SYK: variants seen among roughly 807,000 people sequenced by gnomAD.
The protein encoded by SYK is spleen associated tyrosine kinase.
In SYK, 16 loss-of-function variants were observed where a neutral mutation model predicts 77.8. That is an observed-to-expected ratio of 0.21 (90% CI 0.14 to 0.31). The LOEUF is 0.31. Among genes scored for constraint, SYK ranks in the 10% least tolerant of loss-of-function variants. The pLI, the probability that SYK is intolerant of heterozygous loss-of-function variation, is 1.00. For missense variants in SYK, 529 were observed against 814.4 expected (o/e 0.65, Z 4.26); for synonymous variants, 312 against 308.7 (o/e 1.01, Z -0.11).
At chr9:90,855,664 A>ATGTG (rs757914338) in intron 3 of SYK, among the ~76,000 whole-genome samples, 103 of 124,498 alleles carry the variant, frequency 8.3e-4, no homozygotes, top group Admixed American at 1.8e-3. Context: ...TATTGAGTGA[A>ATGTG]TATGTGTGTG....
intron 1 of SYK, among the ~76,000 whole-genome samples, chr9:90,830,984 A>G (rs1456951627): frequency 1.3e-5 from 2 of 152,188 alleles, no homozygotes; most frequent in African/African-American, 2.4e-5. Context: ...TCCTAGGCAC[A>G]TCTTAACAGG....
intron 11 of SYK, among the ~76,000 whole-genome samples, chr9:90,884,312 TATACAC>T (rs1379966717): frequency 1.3e-3 from 93 of 72,546 alleles, no homozygotes; most frequent in Middle Eastern, 0.011. Flanking sequence ...TATACACACA[TATACAC>T]ATACACATAC....
At chr9:90,844,798 C>CATAA (rs1483826411) in intron 2 of SYK, among the ~76,000 whole-genome samples, 2 of 152,236 alleles carry the variant, frequency 1.3e-5, no homozygotes, top group Middle Eastern at 6.3e-3. Context: ...TATTGATGGA[C>CATAA]ACATTTGCTG....
At chr9:90,826,896 G>A (rs559607672) in intron 1 of SYK, among the ~76,000 whole-genome samples, 329 of 152,242 alleles carry the variant, frequency 2.2e-3, no homozygotes, top group African/African-American at 7.4e-3. Flanking sequence ...CAGGGACAGA[G>A]AGAGCTGGCA....
chr9:90,888,580 G>A lies in SYK; in HGVS notation c.1788G>A (p.Gly596=). 1 of 1,611,872 alleles carries A rather than the reference G, an allele frequency of 6.2e-7. No homozygotes were observed. Among genetic ancestry groups the A allele is most frequent in the Middle Eastern group, 1.7e-4 (1 of 6,056 alleles). ...GAGAGCGGATGGGGTGCCCTGCAGG[G>A]TGTCCAAGAGAGATGTACGATCTCA... The part of the protein sequence containing the change: ...EKGERMGCPA[G]CPREMYDLMN... The change falls in exon 13 of 14, where the codon GGG becomes GGA. Residue 596 remains glycine, a synonymous_variant. Coordinates refer to ENST00000375754, the MANE Select transcript of SYK (RefSeq NM_003177.7).
intron 1 of SYK, among the ~76,000 whole-genome samples, chr9:90,825,216 C>T (rs1188668143): frequency 6.6e-6 from 1 of 151,128 alleles, no homozygotes; most frequent in Non-Finnish European, 1.5e-5. Flanking sequence ...ATGGAAGAAT[C>T]AAAGAAGATG....
chr9:90,805,450 G>A (rs1333632), intron 1 of SYK, among the ~76,000 whole-genome samples: 73,949 of 152,070 alleles, frequency 0.49, 19,256 homozygotes, highest in East Asian at 0.66. Context: ...CAGGTCTACC[G>A]AGCAGGGTGA....
rs369986984 is a variant in SYK, at chr9:90,874,780, C to T, written c.1112C>T (p.Thr371Met). ...GTTTACCTGGACCGAAAGCTGCTGA[C>T]GCTGGAAGACAAAGAACTGGGCTCT... ...KEVYLDRKLL[T>M]LEDKELGSGN... Residue 371 changes from threonine (T) to methionine (M), a missense_variant, in exon 9 of 14, where the codon ACG (threonine) becomes ATG (methionine). Thr to Met is a moderately conservative substitution (Grantham distance 81, BLOSUM62 -1). Coordinates refer to ENST00000375754, the MANE Select transcript of SYK (RefSeq NM_003177.7). 102 of 1,613,930 alleles carry T rather than the reference C, an allele frequency of 6.3e-5. No individual in the cohort carries two copies. The highest frequency in any genetic ancestry group is 1.0e-4 in the Admixed American group (6 of 59,998).
At chr9:90,846,992 C>G (rs1826623574) in intron 3 of SYK, among the ~76,000 whole-genome samples, 1 of 152,264 alleles carries the variant, frequency 6.6e-6, no homozygotes, top group Admixed American at 6.5e-5. Context: ...CCAACTTCTG[C>G]TGGTTAAGAA....
At chr9:90,813,061 A>AT (rs945248789) in intron 1 of SYK, among the ~76,000 whole-genome samples, 3 of 151,638 alleles carry the variant, frequency 2.0e-5, no homozygotes, top group Non-Finnish European at 2.9e-5. Context: ...CGTCTTTAAG[A>AT]TTTTTTTTTA....
rs528985080 is a variant in SYK, at chr9:90,862,138, C to T, written c.579-68C>T. 5.3e-6 allele frequency: 8 copies of T among 1,515,704 alleles called. No individual in the cohort carries two copies. The African/African-American group carries it at 1.1e-4, about 21-fold the overall frequency. The allele number at this position is 1,515,704 out of a possible 1,614,324, so 93.9% of individuals were successfully genotyped here. On this transcript the variant is annotated intron_variant, in intron 3 of 13. Coordinates refer to ENST00000375754, the MANE Select transcript of SYK (RefSeq NM_003177.7). ...GCTGCTGACCATTCAGGCCAGGGTG[C>T]TTCCTCCCAGGGTCCCACCTGGAGA...
In SYK at chr9:90,874,213, G is replaced by C. The variant is rs1827843955; in HGVS notation, c.925G>C (p.Ala309Pro). Residue 309 changes from alanine to proline, a missense_variant, in exon 8 of 14, where the codon GCC becomes CCC. Ala to Pro is a conservative substitution (Grantham distance 27). This residue lies in a region of SYK where 321 missense variants were observed against 433.1 expected (regional missense o/e 0.74). Transcript: ENST00000375754. ...CCTTTATGTACTTTAGTCCTCCCCT[G>C]CCCAAGGGAACCGGCAAGAGAGTAC... ...PKPGHRKSSP[A>P]QGNRQESTVS... The C allele has an allele frequency of 3.7e-6, 6 of 1,614,132 alleles. No individual in the cohort carries two copies. The highest frequency in any genetic ancestry group is 5.1e-6 in the Non-Finnish European group (6 of 1,180,002).
At chr9:90,841,394 T>C (rs1826319906) in intron 1 of SYK, among the ~76,000 whole-genome samples, 1 of 152,054 alleles carries the variant, frequency 6.6e-6, no homozygotes, top group East Asian at 1.9e-4. Flanking sequence ...GTGTAGTTTG[T>C]GTATGACGTG....
Position 90,864,629 on chromosome 9 carries a change from G to C in SYK, c.758G>C (p.Arg253Thr). The C allele has an allele frequency of 1.2e-6, 2 of 1,614,158 alleles. No individual in the cohort carries two copies. The highest frequency in any genetic ancestry group is 1.7e-6 in the Non-Finnish European group (2 of 1,180,032). ...TCTTATAAAGCAGATGGTTTGTTAAGAGTTCTTACTGTCCCATGTCAAAAA... is the reference window on the plus strand; with the variant it reads ...TCTTATAAAGCAGATGGTTTGTTAACAGTTCTTACTGTCCCATGTCAAAAA... Reference protein sequence around the residue: ...HYSYKADGLLRVLTVPCQKIG... With the variant: ...HYSYKADGLLTVLTVPCQKIG... The change falls in exon 5 of 14, where the codon AGA becomes ACA. Residue 253 changes from arginine (R) to threonine (T), a missense_variant. Arg to Thr is a moderately conservative substitution (Grantham distance 71). This residue lies in a region of SYK where 321 missense variants were observed against 433.1 expected (regional missense o/e 0.74). Coordinates refer to ENST00000375754, the MANE Select transcript of SYK (RefSeq NM_003177.7).
chr9:90,895,222 C>T lies in SYK; in HGVS notation c.1836-306C>T, dbSNP rs1485159343. On this transcript the variant is annotated intron_variant, in intron 13 of 13. Coordinates refer to ENST00000375754, the MANE Select transcript of SYK (RefSeq NM_003177.7). The surrounding 1 kb of genome is among the most constrained non-coding windows in gnomAD (Gnocchi z 4.4). ...CATATTGTGTGCCGCATATCTGAAC[C>T]TGGGGCTAAAACACTCCCAGTTCTA... Among the ~76,000 whole-genome samples the T allele has an allele frequency of 6.6e-6, 1 of 152,220 alleles. No homozygotes were observed. Among genetic ancestry groups the T allele is most frequent in the Admixed American group, 6.5e-5 (1 of 15,288 alleles).
chr9:90,805,170 C>A (rs949398769), intron 1 of SYK, among the ~76,000 whole-genome samples: 6 of 152,144 alleles, frequency 3.9e-5, no homozygotes, highest in African/African-American at 1.4e-4. Context: ...TGGCAGCTGG[C>A]CAAAGGCAGA....
rs201520390 is a variant in SYK, at chr9:90,895,602, C to T, written c.*2C>T. 361 of 1,613,814 alleles carry T rather than the reference C, an allele frequency of 2.2e-4. 7 individuals carry two copies. In the South Asian group the frequency reaches 3.4e-3, roughly 15 times the overall value. Reference sequence around the variant, plus strand: ...TACTACTATGACGTGGTGAACTAACCGCTCCCGCACCTGTCGGTGGCTGCC... The same window carrying T: ...TACTACTATGACGTGGTGAACTAACTGCTCCCGCACCTGTCGGTGGCTGCC... On this transcript the variant is annotated 3_prime_UTR_variant, in exon 14 of 14. Coordinates refer to ENST00000375754, the MANE Select transcript of SYK (RefSeq NM_003177.7). The surrounding 1 kb of genome is among the most constrained non-coding windows in gnomAD (Gnocchi z 4.4).
At chr9:90,880,944 G>A (rs927761565) in intron 11 of SYK, among the ~76,000 whole-genome samples, 1 of 152,182 alleles carries the variant, frequency 6.6e-6, no homozygotes, top group Non-Finnish European at 1.5e-5. Context: ...CTTCCCTTGG[G>A]CCCATGCTTC....
rs1829077779 is a variant in SYK at position 90,898,396 on chromosome 9, GAGGC to G, written c.*2797_*2800del. 8.8e-6 allele frequency: 2 copies of G among 227,488 alleles called. No individual in the cohort carries two copies. The highest frequency in any genetic ancestry group is 1.7e-5 in the Non-Finnish European group (2 of 114,550). 14.1% of individuals were successfully genotyped at this position (227,488 alleles called of 1,614,324 possible). ...AAGTCGGCCTGGATTTTCACTTGCA[GAGGC>G]TACAGCTGCATTGTCAGGTCTCCCA... On this transcript the variant is annotated 3_prime_UTR_variant, in exon 14 of 14. Coordinates refer to ENST00000375754, the MANE Select transcript of SYK (RefSeq NM_003177.7).
Sources: allele counts gnomAD v4.1 joint callset (sites outside exome capture counted in the v4.1 genomes callset), GRCh38; gene constraint gnomAD v4.1.1; regional missense constraint gnomAD v4.1.1; non-coding constraint Gnocchi (gnomAD v3.1); transcripts MANE v1.5; gene names NCBI Gene and HGNC (gene_info 2026-07-23, HGNC 2026-07-21).